DIAPH2: variants seen among roughly 807,000 people sequenced by gnomAD.
The protein encoded by DIAPH2 is diaphanous related formin 2, also known as protein diaphanous homolog 2.
DIAPH2 carries 35 observed loss-of-function variants against 92.7 expected under a neutral mutation model. The ratio of observed to expected loss-of-function variants is 0.38; its 90% confidence interval spans 0.29 to 0.50. The LOEUF is 0.50. Ranked by LOEUF, DIAPH2 falls within the 20% of genes least tolerant of loss-of-function variation. DIAPH2 has a pLI of 0.94. For missense variants in DIAPH2, 701 were observed against 819.5 expected, an observed-to-expected ratio of 0.86 and a Z score of 1.77; for synonymous variants, 301 against 280.4, an observed-to-expected ratio of 1.07 and a Z score of -0.73.
intron 17 of DIAPH2, among the ~76,000 whole-genome samples, chrX:97,067,791 T>A (rs2066643520): frequency 1.8e-5 from 2 of 111,832 alleles, no homozygotes; most frequent in South Asian, 7.4e-4. Context: ...TGTAATACAA[T>A]CACTGTAAAT....
chrX:97,511,348 G>A (rs1259496820), intron 26 of DIAPH2, among the ~76,000 whole-genome samples: 1 of 76,739 alleles, frequency 1.3e-5, no homozygotes, highest in Admixed American at 1.4e-4. Flanking sequence ...TGTGATTTTT[G>A]TACATTGATT....
intron 23 of DIAPH2, among the ~76,000 whole-genome samples, chrX:97,293,243 CTTTTTTTTTTTTT>C (rs1184478622): frequency 2.4e-4 from 15 of 63,215 alleles, no homozygotes; most frequent in African/African-American, 3.8e-4. Context: ...ATATTTCTTT[CTTTTTTTTTTTTT>C]TTTTTTTTTT....
intron 26 of DIAPH2, among the ~76,000 whole-genome samples, chrX:97,502,133 C>T (rs1245177414): frequency 2.7e-5 from 3 of 111,988 alleles, no homozygotes; most frequent in African/African-American, 9.7e-5. Flanking sequence ...TAGAGCTCTC[C>T]AAATAATGTC....
At chrX:97,093,845 G>A (rs1172999162) in intron 19 of DIAPH2, among the ~76,000 whole-genome samples, 1 of 111,621 alleles carries the variant, frequency 9.0e-6, no homozygotes, top group East Asian at 2.8e-4. Context: ...TTAGTACAGG[G>A]CTAGAACCCC....
chrX:97,435,805 T>G (rs941316836), intron 26 of DIAPH2, among the ~76,000 whole-genome samples: 8 of 109,332 alleles, frequency 7.3e-5, no homozygotes, highest in African/African-American at 2.7e-4. Flanking sequence ...TTTTTTTCTT[T>G]TTTTCCTTTT....
intron 22 of DIAPH2, among the ~76,000 whole-genome samples, chrX:97,194,237 G>A (rs143799502): frequency 1.3e-3 from 142 of 110,502 alleles, no homozygotes; most frequent in African/African-American, 4.5e-3. Flanking sequence ...CCAGATAATG[G>A]TATGATTCTT....
intron 12 of DIAPH2, among the ~76,000 whole-genome samples, chrX:96,940,286 T>C (rs915530746): frequency 4.4e-5 from 5 of 112,372 alleles, no homozygotes; most frequent in Non-Finnish European, 9.4e-5. Context: ...GTTTTATGTC[T>C]AGTAGTGTCA....
chrX:97,371,780 G>C (rs773847021), intron 24 of DIAPH2, among the ~76,000 whole-genome samples: 9 of 111,836 alleles, frequency 8.0e-5, no homozygotes, highest in Non-Finnish European at 1.5e-4. Context: ...AGTAAACTCA[G>C]ATCTCAGACC....
At chrX:96,955,692 G>C (rs1230248677) in intron 15 of DIAPH2, among the ~76,000 whole-genome samples, 1 of 112,143 alleles carries the variant, frequency 8.9e-6, no homozygotes, top group Admixed American at 9.4e-5. Context: ...CAGGCCCCAT[G>C]CAAGTCTAAA....
At chrX:96,765,193 GTTTT>G (rs142407154) in intron 4 of DIAPH2, among the ~76,000 whole-genome samples, 9 of 83,247 alleles carry the variant, frequency 1.1e-4, no homozygotes, top group African/African-American at 3.8e-4. Flanking sequence ...ATATTCACAT[GTTTT>G]TTTTTTTTTT....
At chrX:97,455,549 G>A (rs1414887398) in intron 26 of DIAPH2, among the ~76,000 whole-genome samples, 1 of 111,776 alleles carries the variant, frequency 8.9e-6, no homozygotes, top group African/African-American at 3.2e-5. Flanking sequence ...TCAAGCTATT[G>A]GGGAAGTTTC....
At chrX:97,483,415 A>G (rs866898459) in intron 26 of DIAPH2, among the ~76,000 whole-genome samples, 1 of 102,740 alleles carries the variant, frequency 9.7e-6, no homozygotes, top group Non-Finnish European at 2.1e-5. Flanking sequence ...GAGAGAGAGA[A>G]AGAGTTTTTT....
intron 3 of DIAPH2, among the ~76,000 whole-genome samples, chrX:96,744,468 G>A (rs992561448): frequency 1.8e-5 from 2 of 112,134 alleles, no homozygotes; most frequent in African/African-American, 3.2e-5. Context: ...CTTTAATAAT[G>A]CTTCATTTAA....
chrX:97,181,433 C>T (rs1308987549), intron 22 of DIAPH2, among the ~76,000 whole-genome samples: 19 of 110,815 alleles, frequency 1.7e-4, no homozygotes, highest in African/African-American at 3.6e-4. Context: ...TTCTTTGAGA[C>T]GGAGTTTTGC....
chrX:97,080,393 A>G lies in DIAPH2; in HGVS notation c.2247+5132A>G, dbSNP rs770211560. 3.1e-4 allele frequency among the ~76,000 whole-genome samples: 34 copies of G among 109,803 alleles called. 1 individual carries two copies. The highest frequency in any genetic ancestry group is 5.5e-4 in the Non-Finnish European group (29 of 52,729). On this transcript the variant is annotated intron_variant, in intron 19 of 26. Coordinates refer to ENST00000324765, the MANE Select transcript of DIAPH2 (RefSeq NM_006729.5). ...CTGGATGCCTCCATACCTGGAAACTACAGAAATACCTCCATAGATGTTTCT... is the reference window on the plus strand; with the variant it reads ...CTGGATGCCTCCATACCTGGAAACTGCAGAAATACCTCCATAGATGTTTCT...
intron 26 of DIAPH2, among the ~76,000 whole-genome samples, chrX:97,559,361 G>A (rs745836721): frequency 2.7e-5 from 3 of 110,139 alleles, no homozygotes; most frequent in East Asian, 2.9e-4. Context: ...GTGGTGGTGC[G>A]CGCCTGTAGA....
chrX:97,310,977 C>T lies in DIAPH2; in HGVS notation c.2845-37139C>T, dbSNP rs781639273. ...TGAGCCGAGATTGCGCCATTGCACT[C>T]CAGCCTGGGCGACAGAGCGAGACTC... On this transcript the variant is annotated intron_variant, in intron 23 of 26. Coordinates refer to ENST00000324765, the MANE Select transcript of DIAPH2 (RefSeq NM_006729.5). Among the ~76,000 whole-genome samples, 5 of 111,030 alleles carry T rather than the reference C, an allele frequency of 4.5e-5. No homozygotes were observed. In the East Asian group the frequency reaches 1.4e-3, roughly 32 times the overall value.
chrX:97,208,112 C>T (rs781070460), intron 22 of DIAPH2, among the ~76,000 whole-genome samples: 3 of 111,618 alleles, frequency 2.7e-5, no homozygotes, highest in Non-Finnish European at 3.8e-5. Context: ...ACTCCAGCTT[C>T]AGTGACATAG....
intron 22 of DIAPH2, among the ~76,000 whole-genome samples, chrX:97,168,968 C>A (rs1390600717): frequency 8.9e-6 from 1 of 111,913 alleles, no homozygotes; most frequent in African/African-American, 3.3e-5. Flanking sequence ...GATTAGAATC[C>A]ACCCTTATGA....
Sources: allele counts gnomAD v4.1 joint callset (sites outside exome capture counted in the v4.1 genomes callset), GRCh38; gene constraint gnomAD v4.1.1; transcripts MANE v1.5; gene names NCBI Gene and HGNC (gene_info 2026-07-23, HGNC 2026-07-21).